Variants in RNF216 observed in about 807,000 individuals in gnomAD.
RNF216 encodes E3 ubiquitin-protein ligase RNF216.
RNF216 carries 72 observed loss-of-function variants against 110.8 expected under a neutral mutation model. The ratio of observed to expected loss-of-function variants is 0.65; its 90% CI spans 0.54 to 0.79. The LOEUF (loss-of-function observed/expected upper bound fraction) is 0.79. Ranked by LOEUF, RNF216 falls within the 30% of genes least tolerant of loss-of-function variation. RNF216 has a pLI of 0.00. For missense variants in RNF216, 1,342 were observed against 1,141.2 expected (o/e 1.18, Z -2.54); for synonymous variants, 495 against 407.5 (o/e 1.21, Z -2.59).
Position 5,708,501 on chromosome 7 carries a change from G to C in RNF216, c.2061+3260C>G, listed in dbSNP as rs1792444090. 1.3e-5 allele frequency among the ~76,000 whole-genome samples: 2 copies of C among 152,166 alleles called. 1 individual carries two copies. Among genetic ancestry groups the C allele is most frequent in the South Asian group, 4.1e-4 (2 of 4,824 alleles). ...AAGTGATACACATTCAGTAGAAACT[G>C]TAATTCAAGTACCCATACAATCATT... On this transcript the variant is annotated intron_variant, in intron 13 of 16. Coordinates refer to ENST00000389902, the MANE Select transcript of RNF216 (RefSeq NM_207111.4).
intron 1 of RNF216, among the ~76,000 whole-genome samples, chr7:5,780,468 G>A (rs924007967): frequency 6.6e-6 from 1 of 152,136 alleles, no homozygotes; most frequent in African/African-American, 2.4e-5. Flanking sequence ...AGGCCGAGGC[G>A]GAGGGATCAC....
chr7:5,653,272 C>T (rs1323629885), intron 13 of RNF216, among the ~76,000 whole-genome samples: 1 of 152,006 alleles, frequency 6.6e-6, no homozygotes, highest in Non-Finnish European at 1.5e-5. Context: ...TTCATATGTG[C>T]CAGAAACTAT....
rs141761024 is a variant in RNF216, at chr7:5,761,125, C to G, written c.-56G>C. On this transcript the variant is annotated 5_prime_UTR_variant, in exon 2 of 17. Transcript: ENST00000389902. The stretch of plus-strand genomic sequence containing the variant: ...GCTAATATCTAAACATGGTGACCAT[C>G]TGTTTCAAAAGAACTGAAAAGGAAG... 2.2e-3 allele frequency: 2,737 copies of G among 1,221,604 alleles called. 44 individuals carry two copies. In the African/African-American group the frequency reaches 0.035, roughly 16 times the overall value. 75.7% of individuals were successfully genotyped at this position (1,221,604 alleles called of 1,614,324 possible). A position where few individuals can be genotyped will look rare whatever the true frequency, so the allele number is the denominator to read the frequency against.
intron 2 of RNF216, among the ~76,000 whole-genome samples, chr7:5,759,633 C>CTTTT (rs560025609): frequency 1.3e-3 from 170 of 131,144 alleles, no homozygotes; most frequent in Non-Finnish European, 1.8e-3. Flanking sequence ...CATTTTTCTT[C>CTTTT]TTTTTTTTTT....
At chr7:5,747,072 G>A (rs950539672) in intron 3 of RNF216, among the ~76,000 whole-genome samples, 3 of 152,148 alleles carry the variant, frequency 2.0e-5, no homozygotes, top group Non-Finnish European at 4.4e-5. Flanking sequence ...CCTGAATACT[G>A]CATCTACTCC....
chr7:5,667,271 T>C (rs966736385), intron 13 of RNF216, among the ~76,000 whole-genome samples: 1 of 152,262 alleles, frequency 6.6e-6, no homozygotes, highest in Non-Finnish European at 1.5e-5. Context: ...TATTTATTTA[T>C]GTTTGGATGA....
intron 1 of RNF216, chr7:5,775,306 T>G (rs1021490906): frequency 3.9e-5 from 6 of 152,216 alleles, no homozygotes; most frequent in African/African-American, 1.4e-4. Context: ...TTTCTGGTTT[T>G]CAAAATCTCA....
At chr7:5,762,097 C>G (rs909970638) in intron 1 of RNF216, among the ~76,000 whole-genome samples, 4 of 151,858 alleles carry the variant, frequency 2.6e-5, no homozygotes, top group Non-Finnish European at 5.9e-5. Flanking sequence ...CCTTATTGGA[C>G]ATCAGTAAAG....
In RNF216 at chr7:5,696,491, C is replaced by T. The variant is rs1791638095; in HGVS notation, c.2061+15270G>A. Among the ~76,000 whole-genome samples, 1 of 152,114 alleles carries T rather than the reference C, an allele frequency of 6.6e-6. No individual in the cohort carries two copies. The highest frequency in any genetic ancestry group is 1.5e-5 in the Non-Finnish European group (1 of 68,026). Reference sequence around the variant, plus strand: ...GGGAATGCAGCAAAGCAGCAACTGCCCAATGATCTACTCCAGGGCACCCAC... The same window carrying T: ...GGGAATGCAGCAAAGCAGCAACTGCTCAATGATCTACTCCAGGGCACCCAC... On this transcript the variant is annotated intron_variant, in intron 13 of 16. Transcript: ENST00000389902. The surrounding 1 kb of genome is among the most constrained non-coding windows in gnomAD (Gnocchi z 5.4).
chr7:5,715,148 G>C lies in RNF216; in HGVS notation c.1738C>G (p.Pro580Ala), dbSNP rs987532851. ...IECRCCYGEF[P>A]FEELTQCADA... Reference sequence around the variant, plus strand: ...GCGCACTGCGTCAGCTCCTCGAATGGAAATTCCCCATAGCAGCAGCGACAC... The same window carrying C: ...GCGCACTGCGTCAGCTCCTCGAATGCAAATTCCCCATAGCAGCAGCGACAC... Residue 580 changes from proline to alanine, a missense_variant, in exon 11 of 17, where the codon CCA (proline) becomes GCA (alanine). Physicochemically the swap from Pro to Ala is conservative, Grantham distance 27 (BLOSUM62 -1). Coordinates refer to ENST00000389902, the MANE Select transcript of RNF216 (RefSeq NM_207111.4). 10 of 1,613,692 alleles carry C rather than the reference G, an allele frequency of 6.2e-6. No individual in the cohort carries two copies. In the African/African-American group the frequency reaches 1.1e-4, roughly 17 times the overall value.
At chr7:5,657,061 G>C (rs1004073747) in intron 13 of RNF216, among the ~76,000 whole-genome samples, 1 of 152,236 alleles carries the variant, frequency 6.6e-6, no homozygotes, top group African/African-American at 2.4e-5. Context: ...CCCCATGCGT[G>C]CTAGATTTCA....
intron 13 of RNF216, among the ~76,000 whole-genome samples, chr7:5,690,869 CAT>C (rs1328951443): frequency 3.3e-5 from 5 of 152,168 alleles, no homozygotes; most frequent in African/African-American, 9.7e-5. Context: ...CACATACGCA[CAT>C]GTGTAAAATG....
rs1358861106 is a variant in RNF216, at chr7:5,620,417, T to C, written c.*2443A>G. The C allele has an allele frequency of 6.6e-6, 1 of 152,346 alleles. No homozygotes were observed. The highest frequency in any genetic ancestry group is 1.9e-4 in the East Asian group (1 of 5,184). The allele number at this position is 152,346 out of a possible 1,614,324, so 9.4% of individuals were successfully genotyped here. A position where few individuals can be genotyped will look rare whatever the true frequency, so the allele number is the denominator to read the frequency against. On this transcript the variant is annotated 3_prime_UTR_variant, in exon 17 of 17. Coordinates refer to ENST00000389902, the MANE Select transcript of RNF216 (RefSeq NM_207111.4). ...TCTGGGCACTGGCACGGCCCCTTGC[T>C]GGCTGGTCTGAAGACCCCCAGTGCT...
In RNF216 at chr7:5,741,231, G is replaced by C. The variant is rs777762944; in HGVS notation, c.786C>G (p.Arg262=). The change falls in exon 4 of 17, where the codon CGC becomes CGG. Residue 262 remains arginine, a synonymous_variant. Transcript: ENST00000389902. Reference sequence around the variant, plus strand: ...CTGGGAATTCATGCTGAAACAACAAGCGGCCCAGTTCTGCTTCAGGCTGCC... The same window carrying C: ...CTGGGAATTCATGCTGAAACAACAACCGGCCCAGTTCTGCTTCAGGCTGCC... ...QERQPEAELG[R]LLFQHEFPGP... is the part of the protein sequence containing the mutation. 1.5e-5 allele frequency: 25 copies of C among 1,614,156 alleles called. No homozygotes were observed. The South Asian group carries it at 2.3e-4, about 15-fold the overall frequency.
chr7:5,729,400 T>G (rs752815293), intron 7 of RNF216, 32 bp downstream of exon 7: 1 of 1,608,268 alleles, frequency 6.2e-7, no homozygotes, highest in African/African-American at 1.3e-5. Context: ...AGTCAAGAGG[T>G]GTGACCCCAA....
chr7:5,686,639 T>C (rs182140662), intron 13 of RNF216, among the ~76,000 whole-genome samples: 66 of 152,322 alleles, frequency 4.3e-4, no homozygotes, highest in African/African-American at 1.4e-3. Context: ...TTTAAATACA[T>C]GTGAGCTGGG....
chr7:5,691,650 G>A (rs569570789), intron 13 of RNF216, among the ~76,000 whole-genome samples: 1 of 152,266 alleles, frequency 6.6e-6, no homozygotes, highest in African/African-American at 2.4e-5. Flanking sequence ...ACTTCTTAGC[G>A]TCCTCAATCA....
At position 5,741,400 on chromosome 7, in the gene RNF216, GTC is replaced by G. The variant is rs387907370; in HGVS notation, c.615_616del (p.Glu205AspfsTer16). On this transcript the variant is annotated frameshift_variant, in exon 4 of 17. Coordinates refer to ENST00000389902, the MANE Select transcript of RNF216 (RefSeq NM_207111.4). LOFTEE classifies it high-confidence loss of function. ...CTCTCCTAGATTTGATAACAGCTCT[GTC>G]TCTGAGTCTTCGGATGACTGGTTCT... 1.1e-5 allele frequency: 18 copies of G among 1,614,206 alleles called. No homozygotes were observed. Among genetic ancestry groups the G allele is most frequent in the Non-Finnish European group, 1.5e-5 (18 of 1,180,028 alleles).
At position 5,621,938 on chromosome 7, in the gene RNF216, CCGGGGCACACA is replaced by C. The variant is rs952372287; in HGVS notation, c.*911_*921del. Reference sequence around the variant, plus strand: ...TGCCTTCAGCAACCACTGAGAACACCCGGGGCACACACGGGGCAGGGGTGGCACCCAGGGTC... The same window carrying C: ...TGCCTTCAGCAACCACTGAGAACACCCGGGGCAGGGGTGGCACCCAGGGTC... On this transcript the variant is annotated 3_prime_UTR_variant, in exon 17 of 17. Coordinates refer to ENST00000389902, the MANE Select transcript of RNF216 (RefSeq NM_207111.4). 14 of 152,720 alleles carry C rather than the reference CCGGGGCACACA, an allele frequency of 9.2e-5. No homozygotes were observed. Among genetic ancestry groups the C allele is most frequent in the African/African-American group, 3.4e-4 (14 of 41,580 alleles). 9.5% of individuals were successfully genotyped at this position (152,720 alleles called of 1,614,324 possible).
Sources: gnomAD v4.1 joint callset for allele counts (sites outside exome capture counted in the v4.1 genomes callset) on GRCh38, gnomAD v4.1.1 for gene constraint, Gnocchi (gnomAD v3.1) non-coding constraint, MANE v1.5 for transcripts, NCBI Gene and HGNC (gene_info 2026-07-23, HGNC 2026-07-21) for gene names.